Variants in ANO2 observed in about 807,000 individuals in gnomAD.
ANO2 encodes anoctamin-2.
ANO2 carries 101 observed loss-of-function variants against 124.2 expected under a neutral mutation model. The ratio of observed to expected loss-of-function variants is 0.81; its 90% CI spans 0.69 to 0.96. The LOEUF is 0.96. Ranked by LOEUF, ANO2 falls within the 40% of genes least tolerant of loss-of-function variation. The probability of loss-of-function intolerance (pLI) is 0.00; values close to 1 mark genes in which losing one functional copy is unlikely to be tolerated. For synonymous variants in ANO2, 486 were observed against 482.5 expected (o/e 1.01, Z -0.09); for missense variants, 1,293 against 1,274.5 (o/e 1.01, Z -0.22).
intron 3 of ANO2, among the ~76,000 whole-genome samples, chr12:5,913,151 A>G (rs1941159514): frequency 6.6e-6 from 1 of 152,164 alleles, no homozygotes; most frequent in African/African-American, 2.4e-5. Flanking sequence ...GGACGCTGTC[A>G]CCCTAGAAAA....
chr12:5,775,180 A>G (rs574993867), intron 10 of ANO2, among the ~76,000 whole-genome samples: 8 of 152,238 alleles, frequency 5.3e-5, no homozygotes, highest in African/African-American at 1.2e-4. Flanking sequence ...CTTTTTGCCA[A>G]TTCCAAACTT....
intron 14 of ANO2, among the ~76,000 whole-genome samples, chr12:5,731,895 G>A (rs181611978): frequency 6.0e-4 from 91 of 152,236 alleles, no homozygotes; most frequent in Admixed American, 2.3e-3. Context: ...GCCACTGCAG[G>A]CCCTAAGAGC....
chr12:5,651,448 T>C (rs1337625036), intron 14 of ANO2, among the ~76,000 whole-genome samples: 1 of 152,062 alleles, frequency 6.6e-6, no homozygotes, highest in East Asian at 1.9e-4. Flanking sequence ...AGAGACAAAG[T>C]CTCACTCTGC....
intron 16 of ANO2, among the ~76,000 whole-genome samples, chr12:5,617,951 G>A (rs568479685): frequency 9.8e-5 from 15 of 152,322 alleles, no homozygotes; most frequent in South Asian, 4.2e-4. Flanking sequence ...TCCCTAAGGC[G>A]AGGATTTAGG....
chr12:5,639,411 G>C (rs1482338014), intron 15 of ANO2, among the ~76,000 whole-genome samples: 2 of 152,172 alleles, frequency 1.3e-5, no homozygotes, highest in Non-Finnish European at 2.9e-5. Context: ...GAAACAGAAA[G>C]CACTACCCTC....
At chr12:5,885,911 C>A (rs1196727433) in intron 3 of ANO2, among the ~76,000 whole-genome samples, 9 of 152,044 alleles carry the variant, frequency 5.9e-5, no homozygotes, top group African/African-American at 2.2e-4. Context: ...TCTCATCTGT[C>A]TTCCTGGAGA....
At chr12:5,602,632 G>A (rs1301223343) in intron 19 of ANO2, among the ~76,000 whole-genome samples, 1 of 152,064 alleles carries the variant, frequency 6.6e-6, no homozygotes, top group Non-Finnish European at 1.5e-5. Context: ...AAAAGAAAAT[G>A]TCCCAGAGGT....
chr12:5,772,493 A>C (rs1323630115), intron 10 of ANO2, among the ~76,000 whole-genome samples: 1 of 152,250 alleles, frequency 6.6e-6, no homozygotes, highest in Non-Finnish European at 1.5e-5. Context: ...AACATATCAA[A>C]TTTCATGTGA....
chr12:5,825,572 T>C lies in ANO2; in HGVS notation c.892+2197A>G, dbSNP rs141362867. On this transcript the variant is annotated intron_variant, in intron 7 of 24. Coordinates refer to ENST00000682330, the MANE Select transcript of ANO2 (RefSeq NM_001364791.2). ...CCAGGAGACACAACAACAATTCCATTAAACTGGAAGTTAAGATTGCCACCT... is the reference window on the plus strand; with the variant it reads ...CCAGGAGACACAACAACAATTCCATCAAACTGGAAGTTAAGATTGCCACCT... Among the ~76,000 whole-genome samples the C allele has an allele frequency of 3.8e-3, 584 of 152,264 alleles. 4 individuals carry two copies. Among genetic ancestry groups the C allele is most frequent in the African/African-American group, 0.011 (466 of 41,530 alleles).
chr12:5,777,152 A>C (rs188109003), intron 10 of ANO2, among the ~76,000 whole-genome samples: 10 of 152,344 alleles, frequency 6.6e-5, no homozygotes, highest in Admixed American at 5.9e-4. Context: ...GAAATTTAAA[A>C]GCCACTTTTT....
chr12:5,891,435 G>C (rs1939390674), intron 3 of ANO2, among the ~76,000 whole-genome samples: 1 of 152,236 alleles, frequency 6.6e-6, no homozygotes, highest in East Asian at 1.9e-4. Context: ...TGCAGTTTTG[G>C]GAAGTATGTG....
At position 5,658,273 on chromosome 12, in the gene ANO2, G is replaced by A. The variant is rs117435369; in HGVS notation, c.1546-10472C>T. 6.5e-3 allele frequency among the ~76,000 whole-genome samples: 984 copies of A among 152,196 alleles called. 2 individuals are homozygous for A. The highest frequency in any genetic ancestry group is 0.011 in the Non-Finnish European group (749 of 68,002). ...CAAAGAGATTGAAAATAGTGCCAAC[G>A]GTATGAGATTGCTGCTATGGAGATG... On this transcript the variant is annotated intron_variant, in intron 14 of 24. Transcript: ENST00000682330. This position sits in a 1 kb window ranked among gnomAD's most constrained non-coding sequence, Gnocchi z 4.3.
intron 14 of ANO2, among the ~76,000 whole-genome samples, chr12:5,679,313 T>G (rs1199304776): frequency 6.6e-6 from 1 of 152,232 alleles, no homozygotes; most frequent in Non-Finnish European, 1.5e-5. Context: ...AAAGAGCTTC[T>G]GCACAGCAAA....
chr12:5,780,591 A>T (rs1952359535), intron 10 of ANO2, among the ~76,000 whole-genome samples: 1 of 152,226 alleles, frequency 6.6e-6, no homozygotes, highest in Admixed American at 6.5e-5. Flanking sequence ...GACTACAAGC[A>T]AACAAAGTGA....
chr12:5,858,150 G>T (rs1955162293), intron 3 of ANO2, among the ~76,000 whole-genome samples: 2 of 152,118 alleles, frequency 1.3e-5, no homozygotes, highest in African/African-American at 2.4e-5. Flanking sequence ...TTTATTGTAT[G>T]TTTCCAAAAA....
chr12:5,704,205 G>C (rs1241771257), intron 14 of ANO2, among the ~76,000 whole-genome samples: 2 of 152,150 alleles, frequency 1.3e-5, no homozygotes, highest in African/African-American at 4.8e-5. Flanking sequence ...CAAAGCCTTA[G>C]CTACTTGACA....
At chr12:5,736,802 A>T (rs1342904993) in intron 13 of ANO2, among the ~76,000 whole-genome samples, 1 of 152,028 alleles carries the variant, frequency 6.6e-6, no homozygotes, top group South Asian at 2.1e-4. Context: ...CTTTCAAGAT[A>T]TCTTGTTGTT....
chr12:5,759,214 T>C (rs1247036544), intron 10 of ANO2, among the ~76,000 whole-genome samples: 1 of 134,484 alleles, frequency 7.4e-6, no homozygotes, highest in Non-Finnish European at 1.6e-5. Flanking sequence ...GAAGAATAAA[T>C]ACAAAAACAA....
intron 11 of ANO2, among the ~76,000 whole-genome samples, chr12:5,749,714 T>C (rs1951381260): frequency 6.6e-6 from 1 of 152,220 alleles, no homozygotes; most frequent in Non-Finnish European, 1.5e-5. Context: ...GTCTCTTTTG[T>C]TCCTTGTACT....
Sources: gnomAD v4.1 joint callset for allele counts (sites outside exome capture counted in the v4.1 genomes callset) on GRCh38, gnomAD v4.1.1 for gene constraint, Gnocchi (gnomAD v3.1) non-coding constraint, MANE v1.5 for transcripts, NCBI Gene and HGNC (gene_info 2026-07-23, HGNC 2026-07-21) for gene names.